WWOX: variants seen among roughly 807,000 people sequenced by gnomAD.
WWOX encodes the protein WW domain-containing oxidoreductase.
Under a neutral mutation model 46.2 loss-of-function variants are expected in WWOX, and 69 were observed. The observed-to-expected ratio is 1.49, with a 90% confidence interval of 1.23 to 1.82. The LOEUF is 1.82. WWOX is among the 40% of genes most tolerant of loss of function. The pLI is 0.00. For missense variants in WWOX, 919 were observed against 542.6 expected, an observed-to-expected ratio of 1.69 and a Z score of -6.89; for synonymous variants, 359 against 202.6, an observed-to-expected ratio of 1.77 and a Z score of -6.56.
intron 8 of WWOX, among the ~76,000 whole-genome samples, chr16:78,565,739 C>T (rs1006826040): frequency 2.0e-5 from 3 of 152,166 alleles, no homozygotes; most frequent in Non-Finnish European, 4.4e-5. Context: ...TTCCCTCATC[C>T]ATAGAGCAGG....
intron 4 of WWOX, among the ~76,000 whole-genome samples, chr16:78,134,948 G>T (rs1190575688): frequency 6.6e-6 from 1 of 152,202 alleles, no homozygotes; most frequent in Non-Finnish European, 1.5e-5. Context: ...GACATTTCTG[G>T]TGACAAATGG....
chr16:78,456,711 G>A (rs2083826263), intron 8 of WWOX, among the ~76,000 whole-genome samples: 1 of 152,166 alleles, frequency 6.6e-6, no homozygotes, highest in African/African-American at 2.4e-5. Flanking sequence ...CAGATTCTAA[G>A]AAGAGAAAAG....
At chr16:78,406,840 G>A (rs1055097956) in intron 6 of WWOX, among the ~76,000 whole-genome samples, 10 of 151,972 alleles carry the variant, frequency 6.6e-5, no homozygotes, top group African/African-American at 2.2e-4. Context: ...TGGCTAAGGT[G>A]GTCTCAAACT....
intron 8 of WWOX, among the ~76,000 whole-genome samples, chr16:79,182,195 G>T (rs2050926036): frequency 6.6e-6 from 1 of 151,768 alleles, no homozygotes; most frequent in Non-Finnish European, 1.5e-5. Context: ...TTCAGGTCAT[G>T]CCCTGTGTCA....
chr16:78,400,631 G>A (rs1597168496), intron 6 of WWOX, among the ~76,000 whole-genome samples: 1 of 152,162 alleles, frequency 6.6e-6, no homozygotes, highest in African/African-American at 2.4e-5. Flanking sequence ...AGGAGGGAGG[G>A]AGGGAGGAAA....
intron 8 of WWOX, among the ~76,000 whole-genome samples, chr16:78,644,829 A>G (rs371529557): frequency 9.8e-5 from 15 of 152,308 alleles, no homozygotes; most frequent in African/African-American, 2.4e-4. Flanking sequence ...TTAAGAATAC[A>G]CTAGTAGGTA....
At chr16:78,962,658 T>G (rs1179862599) in intron 8 of WWOX, among the ~76,000 whole-genome samples, 1 of 152,146 alleles carries the variant, frequency 6.6e-6, no homozygotes, top group East Asian at 1.9e-4. Flanking sequence ...TTGAGATGTA[T>G]CATTCCTACG....
At chr16:78,621,045 C>G (rs1202347117) in intron 8 of WWOX, among the ~76,000 whole-genome samples, 1 of 152,164 alleles carries the variant, frequency 6.6e-6, no homozygotes, top group African/African-American at 2.4e-5. Context: ...TAAGGTAAAG[C>G]CTGTGGCAGC....
At chr16:79,079,757 C>A (rs748067232) in intron 8 of WWOX, among the ~76,000 whole-genome samples, 11 of 152,172 alleles carry the variant, frequency 7.2e-5, no homozygotes, top group Non-Finnish European at 1.6e-4. Context: ...GGAACTATAT[C>A]ATTATTTTGC....
chr16:79,054,474 A>G (rs1597329996), intron 8 of WWOX, among the ~76,000 whole-genome samples: 1 of 152,120 alleles, frequency 6.6e-6, no homozygotes, highest in South Asian at 2.1e-4. Context: ...GCGTGTTGCA[A>G]TTTCAGATTT....
intron 8 of WWOX, among the ~76,000 whole-genome samples, chr16:78,510,714 A>G (rs559887996): frequency 1.4e-4 from 21 of 152,288 alleles, no homozygotes; most frequent in Admixed American, 8.5e-4. Context: ...TGTGCTACAG[A>G]TCCTTCGTAT....
Position 78,376,894 on chromosome 16 carries a change from C to G in WWOX, c.517-9966C>G, listed in dbSNP as rs149088651. Among the ~76,000 whole-genome samples, 5 of 152,332 alleles carry G rather than the reference C, an allele frequency of 3.3e-5. No homozygotes were observed. In the East Asian group the frequency reaches 9.6e-4, roughly 29 times the overall value. On this transcript the variant is annotated intron_variant, in intron 5 of 8. Transcript: ENST00000566780. ...GAGGATCATTCCGATTTCCCAAGTC[C>G]ACCGTGTGGAATGTAAAATCCTTTG...
chr16:78,180,745 G>C (rs1000565672), intron 5 of WWOX, among the ~76,000 whole-genome samples: 52 of 152,030 alleles, frequency 3.4e-4, no homozygotes, highest in African/African-American at 1.1e-3. Context: ...ATACTAGTGG[G>C]TAAATCCAGC....
At chr16:79,197,104 T>A (rs1247163693) in intron 8 of WWOX, among the ~76,000 whole-genome samples, 3 of 152,126 alleles carry the variant, frequency 2.0e-5, no homozygotes, top group Non-Finnish European at 4.4e-5. Flanking sequence ...TGGAGTCAAC[T>A]TTTAGGTTAT....
intron 8 of WWOX, among the ~76,000 whole-genome samples, chr16:78,836,713 T>C (rs1165453944): frequency 6.6e-6 from 1 of 152,174 alleles, no homozygotes; most frequent in Non-Finnish European, 1.5e-5. Flanking sequence ...TCACTTAATA[T>C]CAGGCAGATG....
chr16:78,785,524 T>G (rs1306572616), intron 8 of WWOX, among the ~76,000 whole-genome samples: 1 of 152,182 alleles, frequency 6.6e-6, no homozygotes, highest in African/African-American at 2.4e-5. Flanking sequence ...ATTTATTATT[T>G]CTCTGAAATA....
At chr16:78,124,500 A>T (rs1402179184) in intron 4 of WWOX, among the ~76,000 whole-genome samples, 4 of 152,184 alleles carry the variant, frequency 2.6e-5, no homozygotes, top group Non-Finnish European at 5.9e-5. Flanking sequence ...GGTTGGGGTC[A>T]CTAGGAGGCC....
At chr16:78,936,786 G>A (rs576997337) in intron 8 of WWOX, among the ~76,000 whole-genome samples, 14 of 152,240 alleles carry the variant, frequency 9.2e-5, no homozygotes, top group East Asian at 7.7e-4. Flanking sequence ...CAGTGCTACC[G>A]TTTGAAGTAT....
intron 5 of WWOX, among the ~76,000 whole-genome samples, chr16:78,327,164 T>C (rs2080643173): frequency 6.6e-6 from 1 of 152,016 alleles, no homozygotes; most frequent in Admixed American, 6.5e-5. Flanking sequence ...AAGCCCAGAG[T>C]TCATTTAAGT....
Sources: gnomAD v4.1 joint callset for allele counts (sites outside exome capture counted in the v4.1 genomes callset) on GRCh38, gnomAD v4.1.1 for gene constraint, MANE v1.5 for transcripts, NCBI Gene and HGNC (gene_info 2026-07-23, HGNC 2026-07-21) for gene names.